The following CXorf58 variants were observed in gnomAD, a reference collection of about 807,000 sequenced individuals.
The protein encoded by CXorf58 is chromosome X open reading frame 58, also known as uncharacterized protein CXorf58.
Under a neutral mutation model 26.0 loss-of-function variants are expected in CXorf58, and 24 were observed. The ratio of observed to expected loss-of-function variants is 0.92; its 90% CI spans 0.67 to 1.30. The LOEUF is 1.30. Ranked by LOEUF, CXorf58 falls within the 50% of genes most tolerant of loss-of-function variation. CXorf58 has a pLI of 0.00. For missense variants in CXorf58, 236 were observed against 263.9 expected (o/e 0.89, Z 0.73); for synonymous variants, 87 against 86.1 (o/e 1.01, Z -0.06).
chrX:23,913,601 A>G (rs1308924798), intron 3 of CXorf58, among the ~76,000 whole-genome samples: 2 of 111,879 alleles, frequency 1.8e-5, no homozygotes, highest in Non-Finnish European at 3.8e-5. Flanking sequence ...ATGTCAGTAA[A>G]AGCAGAATAC....
At position 23,938,551 on chromosome X, in the gene CXorf58, C is replaced by T. The variant is rs776737577; in HGVS notation, c.790C>T (p.Pro264Ser). The change falls in exon 8 of 9, where the codon CCA becomes TCA. Residue 264 changes from proline to serine, a missense_variant. Pro to Ser is a moderately conservative substitution (Grantham distance 74, BLOSUM62 -1). Coordinates refer to ENST00000379211, the MANE Select transcript of CXorf58 (RefSeq NM_152761.3). The part of the protein sequence containing the change: ...QLRIVSEIRG[P>S]YLTVQPLYRP... Reference sequence around the variant, plus strand: ...TTTAATACAAACATTTTCTAGGGGTCCATACTTAACTGTCCAACCTCTATA... The same window carrying T: ...TTTAATACAAACATTTTCTAGGGGTTCATACTTAACTGTCCAACCTCTATA... 1 of 1,136,392 alleles carries T rather than the reference C, an allele frequency of 8.8e-7. No homozygotes were observed. Among genetic ancestry groups the T allele is most frequent in the South Asian group, 2.2e-5 (1 of 45,158 alleles). The allele number at this position is 1,136,392 out of a possible 1,213,427, so 93.7% of individuals were successfully genotyped here.
chrX:23,911,637 G>T (rs1472341219), intron 2 of CXorf58, 120 bp from the exon 3 acceptor site: 8 of 430,984 alleles, frequency 1.9e-5, no homozygotes, highest in Non-Finnish European at 2.4e-5. Flanking sequence ...TTCCTCATTA[G>T]GTCAGTCTTA....
At position 23,908,117 on chromosome X, in the gene CXorf58, T is replaced by G; in HGVS notation, c.-233T>G. ...CCAGCGGCGTGTACTGGGATTTCTG[T>G]GAGCAGAGGCTGCCGAGAGGGGGCG... is the stretch of plus-strand genomic sequence containing the variant. On this transcript the variant is annotated 5_prime_UTR_variant, in exon 1 of 9. Transcript: ENST00000379211. 1 of 122,724 alleles carries G rather than the reference T, an allele frequency of 8.1e-6. No homozygotes were observed. Among genetic ancestry groups the G allele is most frequent in the Non-Finnish European group, 1.7e-5 (1 of 59,425 alleles). 10.1% of individuals were successfully genotyped at this position (122,724 alleles called of 1,213,427 possible).
At chrX:23,921,824 G>A (rs1199577756) in intron 5 of CXorf58, among the ~76,000 whole-genome samples, 2 of 109,790 alleles carry the variant, frequency 1.8e-5, no homozygotes, top group African/African-American at 6.6e-5. Flanking sequence ...TTAGCCAGCT[G>A]AGTAGCTGGG....
chrX:23,934,433 C>T (rs1344008346), intron 6 of CXorf58, among the ~76,000 whole-genome samples: 2 of 111,226 alleles, frequency 1.8e-5, no homozygotes, highest in Non-Finnish European at 3.8e-5. Context: ...CAGAGTCCCA[C>T]TCTGTTGCCC....
At chrX:23,935,452 C>A in intron 7 of CXorf58, 27 bp downstream of exon 7, 1 of 1,002,434 alleles carries the variant, frequency 1.0e-6, no homozygotes, top group Non-Finnish European at 1.4e-6. Flanking sequence ...ACTGGGGTTA[C>A]AATACTAGGG....
At chrX:23,908,003 T>C (rs969806438), upstream of CXorf58, 2 of 267,433 alleles carry the variant, frequency 7.5e-6, no homozygotes, top group African/African-American at 5.6e-5. Context: ...GCGCCGGCTC[T>C]GTGTGGACGG....
intron 6 of CXorf58, among the ~76,000 whole-genome samples, chrX:23,934,488 C>T (rs1187742595): frequency 9.0e-6 from 1 of 111,652 alleles, no homozygotes; most frequent in Admixed American, 9.5e-5. Flanking sequence ...GCAACTGCTG[C>T]CTCTTGGGCT....
chrX:23,924,711 G>A (rs36103445), intron 5 of CXorf58, among the ~76,000 whole-genome samples: 6,803 of 109,231 alleles, frequency 0.062, 471 homozygotes, highest in African/African-American at 0.2. Flanking sequence ...TATACCTAAT[G>A]TTAAATGACG....
intron 7 of CXorf58, among the ~76,000 whole-genome samples, chrX:23,937,968 G>A (rs1203445885): frequency 9.3e-6 from 1 of 107,762 alleles, no homozygotes; most frequent in Non-Finnish European, 1.9e-5. Context: ...TCACTGCAAA[G>A]TCCGCCTCCT....
At chrX:23,911,673 G>A in intron 2 of CXorf58, 84 bp from the exon 3 acceptor site, 1 of 598,357 alleles carries the variant, frequency 1.7e-6, no homozygotes, top group Non-Finnish European at 2.7e-6. Flanking sequence ...AGGTACAGGA[G>A]GAGGAAGCAT....
chrX:23,936,930 C>T (rs1396062374), intron 7 of CXorf58, among the ~76,000 whole-genome samples: 1 of 112,185 alleles, frequency 8.9e-6, no homozygotes, highest in African/African-American at 3.2e-5. Context: ...ATTTTCTCTG[C>T]CACCATATAT....
intron 2 of CXorf58, 54 bp downstream of exon 2, chrX:23,910,472 A>G (rs1191342945): frequency 9.2e-6 from 6 of 654,002 alleles, no homozygotes; most frequent in Non-Finnish European, 7.4e-6. Flanking sequence ...CAGTTTCCAA[A>G]CAGTACTTAT....
chrX:23,916,450 A>T, intron 5 of CXorf58, 122 bp downstream of exon 5: 14 of 283,197 alleles, frequency 4.9e-5, no homozygotes, highest in East Asian at 1.1e-4. Flanking sequence ...CCAGGTAGGT[A>T]GTGTGTTTTT....
At position 23,938,664 on chromosome X, in the gene CXorf58, T is replaced by G; in HGVS notation, c.903T>G (p.Val301=). 4 of 1,184,764 alleles carry G rather than the reference T, an allele frequency of 3.4e-6. No homozygotes were observed. Among genetic ancestry groups the G allele is most frequent in the Non-Finnish European group, 4.5e-6 (4 of 880,524 alleles). The part of the protein sequence containing the change: ...AQMKVEKMRK[V]YLAKEKNTSE... Reference sequence around the variant, plus strand: ...TGAAAGTTGAAAAAATGAGAAAAGTTTATTTGGCTAAAGAAAAAAATACTT... The same window carrying G: ...TGAAAGTTGAAAAAATGAGAAAAGTGTATTTGGCTAAAGAAAAAAATACTT... The change falls in exon 8 of 9, where the codon GTT becomes GTG. Residue 301 remains valine, a synonymous_variant. Transcript: ENST00000379211.
intron 6 of CXorf58, among the ~76,000 whole-genome samples, chrX:23,928,139 A>G (rs904561489): frequency 1.1e-4 from 12 of 111,119 alleles, no homozygotes; most frequent in African/African-American, 2.9e-4. Flanking sequence ...CAGTGGTGAT[A>G]GTTGCACAAC....
chrX:23,924,302 TTTTATTTATTTA>T lies in CXorf58; in HGVS notation c.424-2911_424-2900del, dbSNP rs537677465. Among the ~76,000 whole-genome samples the T allele has an allele frequency of 3.4e-3, 345 of 100,453 alleles. 3 individuals carry two copies. The highest frequency in any genetic ancestry group is 0.011 in the African/African-American group (277 of 25,371). 87.2% of individuals were successfully genotyped at this position (100,453 alleles called of 115,157 possible). On this transcript the variant is annotated intron_variant, in intron 5 of 8. Coordinates refer to ENST00000379211, the MANE Select transcript of CXorf58 (RefSeq NM_152761.3). ...GAGAGATTTGCCAATACTATCTTTA[TTTTATTTATTTA>T]TTTATTTATTTATTTATTTATTTAT... is the stretch of plus-strand genomic sequence containing the variant.
intron 5 of CXorf58, 25 bp downstream of exon 5, chrX:23,916,353 A>T (rs1463057206): frequency 1.1e-6 from 1 of 948,834 alleles, no homozygotes; most frequent in East Asian, 3.1e-5. Context: ...TGTACATTTT[A>T]TGTTAACTTA....
At chrX:23,927,792 A>G (rs1376206756) in intron 6 of CXorf58, among the ~76,000 whole-genome samples, 2 of 111,139 alleles carry the variant, frequency 1.8e-5, no homozygotes, top group Non-Finnish European at 3.8e-5. Flanking sequence ...GTTCCCCTCT[A>G]TGTGTCCATG....
Sources: gnomAD v4.1 joint callset for allele counts (sites outside exome capture counted in the v4.1 genomes callset) on GRCh38, gnomAD v4.1.1 for gene constraint, MANE v1.5 for transcripts, NCBI Gene and HGNC (gene_info 2026-07-23, HGNC 2026-07-21) for gene names.